The following THSD4 variants were observed in gnomAD, a reference collection of about 807,000 sequenced individuals.
THSD4 encodes thrombospondin type 1 domain containing 4.
A neutral mutation model predicts 119.0 loss-of-function variants in THSD4; 69 were observed. The observed-to-expected ratio is 0.58, with a 90% CI of 0.48 to 0.71. THSD4 has a LOEUF of 0.71. Ranked by LOEUF, THSD4 falls within the 30% of genes least tolerant of loss-of-function variation. The probability of loss-of-function intolerance (pLI) is 0.00; values close to 1 mark genes in which losing one functional copy is unlikely to be tolerated. For synonymous variants in THSD4, 524 were observed against 540.4 expected (o/e 0.97, Z 0.42); for missense variants, 1,393 against 1,391.1 (o/e 1.00, Z -0.02).
Position 71,503,912 on chromosome 15 carries a change from T to G in THSD4, c.1152+92089T>G, listed in dbSNP as rs573682803. Among the ~76,000 whole-genome samples, 5 of 152,316 alleles carry G rather than the reference T, an allele frequency of 3.3e-5. No homozygotes were observed. The South Asian group carries it at 1.0e-3, about 32-fold the overall frequency. Reference sequence around the variant, plus strand: ...ATACACAAAACAGGAAAATGGAATCTTTGTCTGTGCTGTAATTTCCTCACT... The same window carrying G: ...ATACACAAAACAGGAAAATGGAATCGTTGTCTGTGCTGTAATTTCCTCACT... On this transcript the variant is annotated intron_variant, in intron 7 of 17. Coordinates refer to ENST00000261862, the MANE Select transcript of THSD4 (RefSeq NM_024817.3).
intron 7 of THSD4, among the ~76,000 whole-genome samples, chr15:71,431,431 C>G (rs559640177): frequency 3.3e-5 from 5 of 152,146 alleles, no homozygotes; most frequent in Non-Finnish European, 7.4e-5. Flanking sequence ...AGAACACTTG[C>G]AAATGTCTTT....
chr15:71,442,660 G>GTGTGTATGTATGTGTA, intron 7 of THSD4, among the ~76,000 whole-genome samples: 1 of 25,818 alleles, frequency 3.9e-5, no homozygotes, highest in African/African-American at 1.1e-4. Context: ...GTGTGTGTGT[G>GTGTGTATGTATGTGTA]TATATATATA....
chr15:71,440,804 T>C (rs761847462), intron 7 of THSD4, among the ~76,000 whole-genome samples: 1 of 152,168 alleles, frequency 6.6e-6, no homozygotes, highest in Non-Finnish European at 1.5e-5. Flanking sequence ...AGTGGAGTCA[T>C]TGGGGCAATA....
intron 7 of THSD4, among the ~76,000 whole-genome samples, chr15:71,455,509 A>G (rs914790212): frequency 2.6e-5 from 4 of 152,168 alleles, no homozygotes; most frequent in African/African-American, 9.7e-5. Flanking sequence ...AGTAGCCATC[A>G]TTCCATGCTC....
rs371765051 is a variant in THSD4 at position 71,189,498 on chromosome 15, G to A, written c.100-25537G>A. 2.2e-4 allele frequency among the ~76,000 whole-genome samples: 33 copies of A among 152,208 alleles called. No individual in the cohort carries two copies. The South Asian group carries it at 2.5e-3, about 11-fold the overall frequency. ...ATCCTGGCTAACACAGTGAAACCCC[G>A]TCTCTACTAAAAATACAAAAAATTA... On this transcript the variant is annotated intron_variant, in intron 3 of 17. Coordinates refer to ENST00000261862, the MANE Select transcript of THSD4 (RefSeq NM_024817.3).
At chr15:71,246,886 C>CTTTTTTT (rs67700872) in intron 5 of THSD4, among the ~76,000 whole-genome samples, 1 of 114,502 alleles carries the variant, frequency 8.7e-6, no homozygotes, top group Non-Finnish European at 1.8e-5. Flanking sequence ...GGTCCAAAGT[C>CTTTTTTT]TTTTTTTTTT....
chr15:71,608,249 TAC>T lies in THSD4; in HGVS notation c.1153-52248_1153-52247del, dbSNP rs55892951. On this transcript the variant is annotated intron_variant, in intron 7 of 17. Coordinates refer to ENST00000261862, the MANE Select transcript of THSD4 (RefSeq NM_024817.3). ...AAAAAAAAAAAAAAATATATATATA[TAC>T]ACACACACACACACACACACACACA... 2.3e-3 allele frequency among the ~76,000 whole-genome samples: 246 copies of T among 106,180 alleles called. 5 individuals are homozygous for T. Among genetic ancestry groups the T allele is most frequent in the Middle Eastern group, 0.017 (3 of 176 alleles). The allele number at this position is 106,180 out of a possible 152,430, so 69.7% of individuals were successfully genotyped here.
rs76465291 is a variant in THSD4 at position 71,586,118 on chromosome 15, G to A, written c.1153-74412G>A. Among the ~76,000 whole-genome samples the A allele has an allele frequency of 8.1e-3, 1,238 of 152,104 alleles. 21 individuals are homozygous for A. Among genetic ancestry groups the A allele is most frequent in the African/African-American group, 0.028 (1,176 of 41,478 alleles). Reference sequence around the variant, plus strand: ...TGATGTTCTATTAGTTTATTTTGGCGGTGTCATTTTTGCCTGATTCTTCAT... The same window carrying A: ...TGATGTTCTATTAGTTTATTTTGGCAGTGTCATTTTTGCCTGATTCTTCAT... On this transcript the variant is annotated intron_variant, in intron 7 of 17. Transcript: ENST00000261862.
intron 7 of THSD4, among the ~76,000 whole-genome samples, chr15:71,497,134 C>G (rs1003428780): frequency 6.6e-6 from 1 of 152,198 alleles, no homozygotes; most frequent in Admixed American, 6.5e-5. Context: ...TGAAACCTTT[C>G]TGCGATGATA....
intron 4 of THSD4, among the ~76,000 whole-genome samples, chr15:71,240,007 C>G (rs1390764987): frequency 6.6e-6 from 1 of 152,238 alleles, no homozygotes; most frequent in African/African-American, 2.4e-5. Context: ...TTAGAATTAA[C>G]TGGTCATTTG....
chr15:71,338,228 A>G (rs1193025172), intron 6 of THSD4, among the ~76,000 whole-genome samples: 2 of 152,044 alleles, frequency 1.3e-5, no homozygotes, highest in Non-Finnish European at 2.9e-5. Flanking sequence ...TTGGTATCCC[A>G]TGAAATGGGA....
At position 71,339,023 on chromosome 15, in the gene THSD4, T is replaced by G. The variant is rs544654318; in HGVS notation, c.1016-72664T>G. Reference sequence around the variant, plus strand: ...GCAGGCTCCTTGCAGGACATCACACTGTGTCTTGCTCCAGCCACTGGCCAT... The same window carrying G: ...GCAGGCTCCTTGCAGGACATCACACGGTGTCTTGCTCCAGCCACTGGCCAT... On this transcript the variant is annotated intron_variant, in intron 6 of 17. Transcript: ENST00000261862. Among the ~76,000 whole-genome samples, 17 of 152,292 alleles carry G rather than the reference T, an allele frequency of 1.1e-4. No individual in the cohort carries two copies. In the East Asian group the frequency reaches 3.3e-3, roughly 29 times the overall value.
At chr15:71,701,945 T>C (rs1362897384) in intron 8 of THSD4, among the ~76,000 whole-genome samples, 3 of 152,180 alleles carry the variant, frequency 2.0e-5, no homozygotes, top group Admixed American at 6.5e-5. Flanking sequence ...GAAAAACATA[T>C]GGAAAATAAA....
At chr15:71,150,720 G>C (rs1307885942) in intron 2 of THSD4, among the ~76,000 whole-genome samples, 1 of 152,148 alleles carries the variant, frequency 6.6e-6, no homozygotes, top group Non-Finnish European at 1.5e-5. Context: ...ATGGTTTTTT[G>C]GAGAGGGGTA....
chr15:71,360,989 G>A (rs1395641341), intron 6 of THSD4, among the ~76,000 whole-genome samples: 1 of 152,194 alleles, frequency 6.6e-6, no homozygotes, highest in African/African-American at 2.4e-5. Flanking sequence ...TGGAGAATGT[G>A]ACACTTGAGC....
intron 4 of THSD4, among the ~76,000 whole-genome samples, chr15:71,238,352 A>G (rs2044123977): frequency 6.6e-6 from 1 of 152,256 alleles, no homozygotes; most frequent in Admixed American, 6.5e-5. Context: ...ATTTAAAAAT[A>G]CTATGTAACT....
intron 7 of THSD4, among the ~76,000 whole-genome samples, chr15:71,512,682 A>G (rs1362821151): frequency 6.6e-6 from 1 of 152,180 alleles, no homozygotes; most frequent in Non-Finnish European, 1.5e-5. Context: ...AGAACATTAA[A>G]CAATTGTTTA....
intron 7 of THSD4, among the ~76,000 whole-genome samples, chr15:71,442,654 GTGTGTGTATA>G (rs1566984965): frequency 4.9e-5 from 1 of 20,604 alleles, no homozygotes; most frequent in African/African-American, 1.1e-4. Flanking sequence ...ATGTGTGTGT[GTGTGTGTATA>G]TATATATATA....
intron 3 of THSD4, among the ~76,000 whole-genome samples, chr15:71,181,177 T>C (rs987213602): frequency 4.9e-4 from 75 of 152,324 alleles, no homozygotes; most frequent in African/African-American, 1.8e-3. Flanking sequence ...AGCTGGTGTT[T>C]GTCAAGCCTT....
Sources: allele counts gnomAD v4.1 joint callset (sites outside exome capture counted in the v4.1 genomes callset), GRCh38; gene constraint gnomAD v4.1.1; transcripts MANE v1.5; gene names NCBI Gene and HGNC (gene_info 2026-07-23, HGNC 2026-07-21).